The following CD82 variants were observed in gnomAD, a reference collection of about 807,000 sequenced individuals.
CD82 encodes the protein CD82 molecule.
A neutral mutation model predicts 37.4 loss-of-function variants in CD82; 36 were observed. That is an observed-to-expected ratio of 0.96 (90% CI 0.74 to 1.27). The LOEUF (loss-of-function observed/expected upper bound fraction) is 1.27, where lower values mean the gene tolerates loss of function less well. Ranked by LOEUF, CD82 falls within the 50% of genes most tolerant of loss-of-function variation. The probability of loss-of-function intolerance (pLI) is 0.00; values close to 1 mark genes in which losing one functional copy is unlikely to be tolerated. For synonymous variants in CD82, 158 were observed against 137.4 expected (o/e 1.15, Z -1.05); for missense variants, 340 against 347.0 (o/e 0.98, Z 0.16).
intron 1 of CD82, among the ~76,000 whole-genome samples, chr11:44,583,842 C>T (rs1464457035): frequency 1.3e-5 from 2 of 152,132 alleles, no homozygotes; most frequent in East Asian, 1.9e-4. Flanking sequence ...TGGCTGCTGG[C>T]CTGTGTTGCT....
chr11:44,598,923 C>A (rs1853268456), intron 3 of CD82, among the ~76,000 whole-genome samples: 1 of 152,206 alleles, frequency 6.6e-6, no homozygotes, highest in Admixed American at 6.5e-5. Context: ...TCCAGGCCCC[C>A]ACTAATGGCC....
At chr11:44,618,932 G>A in intron 9 of CD82, 117 bp from the exon 10 acceptor site, 1 of 956,658 alleles carries the variant, frequency 1.0e-6, no homozygotes, top group Admixed American at 1.8e-5. Context: ...ATCACAGGGT[G>A]GTTGTGAGGC....
chr11:44,577,548 T>G (rs1852915243), intron 1 of CD82, among the ~76,000 whole-genome samples: 1 of 152,162 alleles, frequency 6.6e-6, no homozygotes, highest in South Asian at 2.1e-4. Flanking sequence ...TGGCAGGGCA[T>G]GCAGCTGAGT....
At chr11:44,577,250 G>A (rs1479269858) in intron 1 of CD82, among the ~76,000 whole-genome samples, 11 of 152,200 alleles carry the variant, frequency 7.2e-5, no homozygotes, top group Non-Finnish European at 1.5e-5. Flanking sequence ...TGGGAACTGT[G>A]CTTGTCCTCT....
At chr11:44,611,977 T>C (rs989079745) in intron 6 of CD82, among the ~76,000 whole-genome samples, 1 of 152,044 alleles carries the variant, frequency 6.6e-6, no homozygotes, top group African/African-American at 2.4e-5. Flanking sequence ...CAGTGCAACA[T>C]GTTGTGAGGA....
At position 44,585,029 on chromosome 11, in the gene CD82, C is replaced by T. The variant is rs567666537; in HGVS notation, c.-102-2446C>T. The T allele has an allele frequency of 5.1e-4, 179 of 350,630 alleles. 1 individual carries two copies. Among genetic ancestry groups the T allele is most frequent in the Non-Finnish European group, 4.9e-4 (86 of 176,602 alleles). The allele number at this position is 350,630 out of a possible 1,614,324, so 21.7% of individuals were successfully genotyped here. On this transcript the variant is annotated intron_variant, in intron 1 of 9. Coordinates refer to ENST00000227155, the MANE Select transcript of CD82 (RefSeq NM_002231.4). ...CCCACGGGATCGGATGCCCAACTCA[C>T]CAAACTGGCTGGACCTCTGAGTCTC...
intron 6 of CD82, among the ~76,000 whole-genome samples, chr11:44,611,794 G>A (rs764559364): frequency 2.0e-5 from 3 of 152,244 alleles, no homozygotes; most frequent in African/African-American, 4.8e-5. Context: ...CGTGGCCCAG[G>A]TGTGTCCCTC....
intron 2 of CD82, 171 bp downstream of exon 2, chr11:44,587,727 T>G (rs1022490318): frequency 2.5e-6 from 1 of 393,858 alleles, no homozygotes; most frequent in African/African-American, 2.1e-5. Context: ...AGTCCTGGAG[T>G]GCTGGTCCCT....
chr11:44,570,719 TTTA>T (rs56073922), intron 1 of CD82, among the ~76,000 whole-genome samples: 113,201 of 151,922 alleles, frequency 0.75, 42,870 homozygotes, highest in African/African-American at 0.78. Flanking sequence ...ATGCCTGGCC[TTTA>T]TTACCCTCCT....
chr11:44,603,035 G>A (rs1436829988), intron 4 of CD82, among the ~76,000 whole-genome samples: 1 of 152,188 alleles, frequency 6.6e-6, no homozygotes, highest in Non-Finnish European at 1.5e-5. Context: ...GCTGGCACAC[G>A]GCGGCTGTCT....
chr11:44,572,761 T>C (rs571843603), intron 1 of CD82, among the ~76,000 whole-genome samples: 1 of 152,332 alleles, frequency 6.6e-6, no homozygotes, highest in East Asian at 1.9e-4. Context: ...AGTTTCCTCA[T>C]CTGTGAAATA....
At chr11:44,598,141 G>A (rs1853254890) in intron 3 of CD82, among the ~76,000 whole-genome samples, 1 of 152,108 alleles carries the variant, frequency 6.6e-6, no homozygotes, top group Non-Finnish European at 1.5e-5. Flanking sequence ...CTGGGAGAGA[G>A]GAGAGGACAG....
intron 1 of CD82, among the ~76,000 whole-genome samples, chr11:44,576,548 C>G (rs1237579148): frequency 6.6e-6 from 1 of 152,150 alleles, no homozygotes; most frequent in South Asian, 2.1e-4. Context: ...CACGCAGAGA[C>G]GGTCAGCCCA....
At position 44,601,714 on chromosome 11, in the gene CD82, T is replaced by G. The variant is rs532476119; in HGVS notation, c.136+1484T>G. 7.0e-4 allele frequency among the ~76,000 whole-genome samples: 107 copies of G among 152,258 alleles called. No homozygotes were observed. In the Middle Eastern group the frequency reaches 0.02, roughly 29 times the overall value. On this transcript the variant is annotated intron_variant, in intron 4 of 9. Transcript: ENST00000227155. ...GGCCGGACCTTAAAGGTCTACTATCTGCAGGAGGGGGTGCATTTTACAAAT... is the reference window on the plus strand; with the variant it reads ...GGCCGGACCTTAAAGGTCTACTATCGGCAGGAGGGGGTGCATTTTACAAAT...
intron 1 of CD82, among the ~76,000 whole-genome samples, chr11:44,581,398 C>T (rs975255051): frequency 6.6e-6 from 1 of 152,216 alleles, no homozygotes; most frequent in African/African-American, 2.4e-5. Context: ...CAGGGATAAA[C>T]TGAGCCACGT....
intron 7 of CD82, among the ~76,000 whole-genome samples, 194 bp downstream of exon 7, chr11:44,615,567 CAG>C (rs1368320831): frequency 1.3e-5 from 2 of 152,194 alleles, no homozygotes; most frequent in African/African-American, 4.8e-5. Flanking sequence ...CCCAGAGACT[CAG>C]AGGCAGCTTC....
chr11:44,609,036 C>A (rs1395553492), intron 6 of CD82, among the ~76,000 whole-genome samples: 2 of 152,272 alleles, frequency 1.3e-5, no homozygotes, highest in Non-Finnish European at 2.9e-5. Context: ...TAGGTGGCAG[C>A]TGTTCCTGCT....
intron 3 of CD82, among the ~76,000 whole-genome samples, chr11:44,595,681 C>T (rs915269462): frequency 7.2e-5 from 11 of 151,916 alleles, no homozygotes; most frequent in Non-Finnish European, 8.8e-5. Flanking sequence ...CAATTTTCTA[C>T]GGTAGATATT....
Position 44,619,381 on chromosome 11 carries a change from TC to T in CD82, c.*259del. ...CTCTTAGCAACTCAGAGAAAAATGC[TC>T]CCCACAGCGTCCCTGGCGCAGGTGG... On this transcript the variant is annotated 3_prime_UTR_variant, in exon 10 of 10. Transcript: ENST00000227155. 1.9e-6 allele frequency: 1 copy of T among 529,884 alleles called. No homozygotes were observed. Among genetic ancestry groups the T allele is most frequent in the Non-Finnish European group, 3.4e-6 (1 of 293,404 alleles). 32.8% of individuals were successfully genotyped at this position (529,884 alleles called of 1,614,324 possible).
Sources: allele counts gnomAD v4.1 joint callset (sites outside exome capture counted in the v4.1 genomes callset), GRCh38; gene constraint gnomAD v4.1.1; transcripts MANE v1.5; gene names NCBI Gene and HGNC (gene_info 2026-07-23, HGNC 2026-07-21).